CAMK1D: variants seen among roughly 807,000 people sequenced by gnomAD.
The protein encoded by CAMK1D is calcium/calmodulin-dependent protein kinase type 1D.
In CAMK1D, 9 loss-of-function variants were observed where a neutral mutation model predicts 47.7. That is an observed-to-expected ratio of 0.19 (90% CI 0.11 to 0.33). The LOEUF (loss-of-function observed/expected upper bound fraction) is 0.33, where lower values mean the gene tolerates loss of function less well. Among genes scored for constraint, CAMK1D ranks in the 10% least tolerant of loss-of-function variants. The pLI, the probability that CAMK1D is intolerant of heterozygous loss-of-function variation, is 1.00. For synonymous variants in CAMK1D, 184 were observed against 184.9 expected (o/e 0.99, Z 0.04); for missense variants, 291 against 488.7 (o/e 0.60, Z 3.81).
intron 3 of CAMK1D, among the ~76,000 whole-genome samples, chr10:12,681,397 C>T (rs962935563): frequency 6.6e-6 from 1 of 152,268 alleles, no homozygotes; most frequent in Non-Finnish European, 1.5e-5. Flanking sequence ...TCCTTCTTTG[C>T]CTGCTGCATT....
intron 1 of CAMK1D, among the ~76,000 whole-genome samples, chr10:12,385,704 A>T (rs1838471248): frequency 6.6e-6 from 1 of 150,464 alleles, no homozygotes; most frequent in Non-Finnish European, 1.5e-5. Context: ...GTCATTACAC[A>T]GTTCTGTAAT....
At chr10:12,635,509 T>C (rs1179898783) in intron 2 of CAMK1D, among the ~76,000 whole-genome samples, 1 of 152,016 alleles carries the variant, frequency 6.6e-6, no homozygotes, top group Non-Finnish European at 1.5e-5. Context: ...TTCAAAGAAC[T>C]CTGGTCTGGG....
chr10:12,825,750 G>A (rs1407509472), intron 10 of CAMK1D, 60 bp downstream of exon 10: 4 of 1,611,632 alleles, frequency 2.5e-6, no homozygotes, highest in Non-Finnish European at 2.5e-6. Flanking sequence ...CTGGGGTGGA[G>A]AGGAGGGAGC....
intron 3 of CAMK1D, among the ~76,000 whole-genome samples, chr10:12,735,304 C>T (rs935492575): frequency 7.2e-5 from 11 of 152,180 alleles, no homozygotes; most frequent in Admixed American, 5.9e-4. Context: ...GGTGAAACCC[C>T]GTCTCTACTA....
chr10:12,633,392 C>T (rs1242430490), intron 2 of CAMK1D, among the ~76,000 whole-genome samples: 1 of 152,162 alleles, frequency 6.6e-6, no homozygotes, highest in Non-Finnish European at 1.5e-5. Context: ...CTGGTTCCAC[C>T]TCATCTCCAT....
intron 3 of CAMK1D, among the ~76,000 whole-genome samples, chr10:12,691,213 A>G (rs1442127550): frequency 2.0e-5 from 3 of 151,722 alleles, no homozygotes; most frequent in Admixed American, 6.6e-5. Context: ...TGAGCTTTCT[A>G]GAAATTGGAC....
chr10:12,557,476 C>T (rs1237016455), intron 2 of CAMK1D, among the ~76,000 whole-genome samples: 1 of 149,596 alleles, frequency 6.7e-6, no homozygotes, highest in African/African-American at 2.5e-5. Context: ...GGTGTGAACC[C>T]GGGAGGCAGA....
intron 3 of CAMK1D, among the ~76,000 whole-genome samples, chr10:12,682,046 C>G (rs779031673): frequency 6.6e-6 from 1 of 152,084 alleles, no homozygotes; most frequent in African/African-American, 2.4e-5. Context: ...GGTGAAACCC[C>G]GTCTCTACTA....
chr10:12,438,753 G>A (rs1273573585), intron 1 of CAMK1D, among the ~76,000 whole-genome samples: 2 of 152,196 alleles, frequency 1.3e-5, no homozygotes, highest in Non-Finnish European at 2.9e-5. Context: ...CAGTAGAGAT[G>A]CAATAAATTA....
At chr10:12,392,832 T>G (rs1022641206) in intron 1 of CAMK1D, among the ~76,000 whole-genome samples, 4 of 152,122 alleles carry the variant, frequency 2.6e-5, no homozygotes, top group African/African-American at 9.7e-5. Flanking sequence ...ACCACCATAT[T>G]ACATTCTAGT....
chr10:12,506,584 T>C (rs1834879701), intron 1 of CAMK1D, among the ~76,000 whole-genome samples: 1 of 152,042 alleles, frequency 6.6e-6, no homozygotes, highest in Non-Finnish European at 1.5e-5. Flanking sequence ...AGTGGCACGA[T>C]CTCAGCTCAC....
At chr10:12,380,508 G>A (rs964658329) in intron 1 of CAMK1D, among the ~76,000 whole-genome samples, 4 of 152,082 alleles carry the variant, frequency 2.6e-5, no homozygotes, top group South Asian at 2.1e-4. Flanking sequence ...ATTATTGCCC[G>A]GAAAAAAGGG....
intron 1 of CAMK1D, among the ~76,000 whole-genome samples, chr10:12,509,450 C>T (rs926543048): frequency 2.0e-5 from 3 of 152,208 alleles, no homozygotes; most frequent in African/African-American, 7.2e-5. Flanking sequence ...TAGAATGTGA[C>T]TTCTAGGACT....
chr10:12,555,783 G>A (rs1360801901), intron 2 of CAMK1D, among the ~76,000 whole-genome samples: 1 of 152,198 alleles, frequency 6.6e-6, no homozygotes, highest in Non-Finnish European at 1.5e-5. Context: ...CTGTATTTTG[G>A]TGTGATTCCC....
At chr10:12,477,161 A>T (rs2132088973) in intron 1 of CAMK1D, among the ~76,000 whole-genome samples, 1 of 152,256 alleles carries the variant, frequency 6.6e-6, no homozygotes, top group East Asian at 1.9e-4. Flanking sequence ...CACACCTGTA[A>T]TCCCAGCACT....
intron 2 of CAMK1D, among the ~76,000 whole-genome samples, chr10:12,565,522 GGAATTA>G: frequency 6.6e-6 from 1 of 152,200 alleles, no homozygotes; most frequent in Admixed American, 6.5e-5. Context: ...CCAAAGTGCT[GGAATTA>G]CAGGCGTGAG....
At chr10:12,611,765 G>A (rs1181353304) in intron 2 of CAMK1D, among the ~76,000 whole-genome samples, 1 of 151,578 alleles carries the variant, frequency 6.6e-6, no homozygotes, top group African/African-American at 2.4e-5. Flanking sequence ...CTAATTTTTT[G>A]TATTTTTAGT....
At chr10:12,363,892 T>C (rs1347023123) in intron 1 of CAMK1D, among the ~76,000 whole-genome samples, 1 of 152,126 alleles carries the variant, frequency 6.6e-6, no homozygotes, top group Non-Finnish European at 1.5e-5. Flanking sequence ...CTCTTGGCTG[T>C]TGTGAATTGT....
intron 1 of CAMK1D, among the ~76,000 whole-genome samples, chr10:12,371,960 C>T (rs758264733): frequency 1.8e-4 from 28 of 152,068 alleles, no homozygotes; most frequent in Non-Finnish European, 4.0e-4. Context: ...AGCCGTGGTG[C>T]CCCGGCTTAA....
Sources: allele counts gnomAD v4.1 joint callset (sites outside exome capture counted in the v4.1 genomes callset), GRCh38; gene constraint gnomAD v4.1.1; transcripts MANE v1.5; gene names NCBI Gene and HGNC (gene_info 2026-07-23, HGNC 2026-07-21).